RERE: variants seen among roughly 807,000 people sequenced by gnomAD.
RERE encodes arginine-glutamic acid dipeptide repeats protein.
RERE carries 40 observed loss-of-function variants against 146.1 expected under a neutral mutation model. That is an observed-to-expected ratio of 0.27 (90% CI 0.21 to 0.36). RERE has a LOEUF of 0.36. Among genes scored for constraint, RERE ranks in the 10% least tolerant of loss-of-function variants. The probability of loss-of-function intolerance (pLI) is 1.00; values close to 1 mark genes in which losing one functional copy is unlikely to be tolerated. For missense variants in RERE, 1,933 were observed against 2,138.7 expected, an observed-to-expected ratio of 0.90 and a Z score of 1.90; for synonymous variants, 1,003 against 866.0, an observed-to-expected ratio of 1.16 and a Z score of -2.78.
chr1:8,508,372 A>G (rs1046842514), intron 8 of RERE, among the ~76,000 whole-genome samples: 3 of 152,180 alleles, frequency 2.0e-5, no homozygotes, highest in Non-Finnish European at 4.4e-5. Flanking sequence ...TGCAAGATAG[A>G]AAGAGTTCTG....
At chr1:8,376,893 C>A (rs1490967873) in intron 12 of RERE, among the ~76,000 whole-genome samples, 1 of 152,144 alleles carries the variant, frequency 6.6e-6, no homozygotes, top group Non-Finnish European at 1.5e-5. Flanking sequence ...GGTGGGTCTG[C>A]TGAACCTCTA....
In RERE at chr1:8,359,819, TTCTCCTTCTCCC is replaced by T. The variant is rs1457617670; in HGVS notation, c.3551_3562del (p.Arg1184_Lys1188delinsGln). 5.6e-6 allele frequency: 9 copies of T among 1,606,958 alleles called. No individual in the cohort carries two copies. The highest frequency in any genetic ancestry group is 7.6e-6 in the Non-Finnish European group (9 of 1,179,578). ...TCGCTCCCGCTCCCGCTCCTTCTCC[TTCTCCTTCTCCC>T]GCTCTCGCTCCTCTCGGGCTTTCTG... On this transcript the variant is annotated inframe_deletion, in exon 19 of 23. Coordinates refer to ENST00000400908, the MANE Select transcript of RERE (RefSeq NM_001042681.2).
chr1:8,582,104 A>C (rs1242842922), intron 4 of RERE, among the ~76,000 whole-genome samples: 3 of 152,308 alleles, frequency 2.0e-5, no homozygotes, highest in Middle Eastern at 3.4e-3. Context: ...TAATCATATA[A>C]AATAACACCG....
chr1:8,790,709 G>A (rs979219001), intron 1 of RERE, among the ~76,000 whole-genome samples: 4 of 152,150 alleles, frequency 2.6e-5, no homozygotes, highest in African/African-American at 4.8e-5. Context: ...TCGGCCTCCC[G>A]AGTAGCTGGG....
intron 1 of RERE, among the ~76,000 whole-genome samples, chr1:8,664,589 T>G (rs539470687): frequency 6.6e-6 from 1 of 152,208 alleles, no homozygotes; most frequent in East Asian, 1.9e-4. Context: ...CTGGCTAATT[T>G]TTAAAATTTT....
At chr1:8,800,018 T>A (rs1484374161) in intron 1 of RERE, among the ~76,000 whole-genome samples, 1 of 152,146 alleles carries the variant, frequency 6.6e-6, no homozygotes, top group African/African-American at 2.4e-5. Context: ...TTCACCATGT[T>A]GGCCAGACTG....
At chr1:8,740,716 A>G (rs1640290205) in intron 1 of RERE, among the ~76,000 whole-genome samples, 1 of 152,176 alleles carries the variant, frequency 6.6e-6, no homozygotes, top group African/African-American at 2.4e-5. Context: ...ACATTAGCCT[A>G]GGCATACACA....
intron 18 of RERE, 61 bp downstream of exon 18, chr1:8,360,051 C>CCA: frequency 6.3e-7 from 1 of 1,588,838 alleles, no homozygotes; most frequent in Non-Finnish European, 8.6e-7. Context: ...TCCCTCCCAC[C>CCA]AGAACTTGCC....
Position 8,556,466 on chromosome 1 carries a change from A to G in RERE, c.725+9T>C, listed in dbSNP as rs781054134. 2.0e-6 allele frequency: 3 copies of G among 1,529,222 alleles called. No homozygotes were observed. Among genetic ancestry groups the G allele is most frequent in the East Asian group, 2.2e-5 (1 of 44,490 alleles). 94.7% of individuals were successfully genotyped at this position (1,529,222 alleles called of 1,614,324 possible). On this transcript the variant is annotated intron_variant, in intron 6 of 22. Transcript: ENST00000400908. The stretch of plus-strand genomic sequence containing the variant: ...CCTTCACATGGAAGAGCACGTCTCC[A>G]GTACTTACCTAAGGGCAGCAGCATG...
At chr1:8,657,608 AG>A (rs1272003615) in intron 1 of RERE, among the ~76,000 whole-genome samples, 2 of 152,162 alleles carry the variant, frequency 1.3e-5, no homozygotes, top group African/African-American at 4.8e-5. Context: ...GCACTTTGGG[AG>A]GCCAAGGCAG....
At chr1:8,612,371 T>C (rs971254183) in intron 4 of RERE, among the ~76,000 whole-genome samples, 42 of 152,288 alleles carry the variant, frequency 2.8e-4, no homozygotes, top group African/African-American at 7.2e-4. Flanking sequence ...CAAATGACTT[T>C]GGCAGCACAA....
At chr1:8,546,407 TC>T (rs1367770640) in intron 6 of RERE, among the ~76,000 whole-genome samples, 1 of 152,160 alleles carries the variant, frequency 6.6e-6, no homozygotes, top group Non-Finnish European at 1.5e-5. Flanking sequence ...GGTCTTCTGT[TC>T]TTTGTTTTCC....
At chr1:8,367,573 C>T (rs1053010588) in intron 12 of RERE, among the ~76,000 whole-genome samples, 1 of 152,132 alleles carries the variant, frequency 6.6e-6, no homozygotes, top group Admixed American at 6.5e-5. Context: ...GAAGCATAAC[C>T]CCAGGCCAGC....
At chr1:8,603,248 T>C (rs530094178) in intron 4 of RERE, among the ~76,000 whole-genome samples, 1 of 152,376 alleles carries the variant, frequency 6.6e-6, no homozygotes, top group Non-Finnish European at 1.5e-5. Flanking sequence ...TATCACAAGC[T>C]GGTAAATAAA....
At position 8,501,030 on chromosome 1, in the gene RERE, G is replaced by C. The variant is rs1292100370; in HGVS notation, c.880-3501C>G. Among the ~76,000 whole-genome samples, 2 of 70,412 alleles carry C rather than the reference G, an allele frequency of 2.8e-5. 1 individual carries two copies. Among genetic ancestry groups the C allele is most frequent in the Non-Finnish European group, 5.5e-5 (2 of 36,660 alleles). 46.2% of individuals were successfully genotyped at this position (70,412 alleles called of 152,430 possible). A position where few individuals can be genotyped will look rare whatever the true frequency, so the allele number is the denominator to read the frequency against. The stretch of plus-strand genomic sequence containing the variant: ...TCCGCCCGGCAGCCACCCCGTCCGG[G>C]AGGGGGGGGGGGGGTCAGCCCCCCG... On this transcript the variant is annotated intron_variant, in intron 8 of 22. Transcript: ENST00000400908.
At chr1:8,720,123 T>C (rs1224694772) in intron 1 of RERE, among the ~76,000 whole-genome samples, 1 of 150,162 alleles carries the variant, frequency 6.7e-6, no homozygotes, top group Admixed American at 6.6e-5. Flanking sequence ...AAAAAAAAAA[T>C]TTAGCTGGGC....
intron 7 of RERE, 126 bp downstream of exon 7, chr1:8,541,088 A>T (rs1557679208): frequency 2.2e-6 from 1 of 449,340 alleles, no homozygotes; most frequent in East Asian, 3.3e-5. Flanking sequence ...CTCTGGAGTC[A>T]TTTTTTTTAA....
In RERE at chr1:8,582,435, T is replaced by C. The variant is rs372708128; in HGVS notation, c.523-24912A>G. Among the ~76,000 whole-genome samples, 29 of 140,176 alleles carry C rather than the reference T, an allele frequency of 2.1e-4. No homozygotes were observed. The East Asian group carries it at 6.0e-3, about 29-fold the overall frequency. 92.0% of individuals were successfully genotyped at this position (140,176 alleles called of 152,430 possible). ...TTTTTCTTTTTTTTTTTTTGGGGGG[T>C]AGAGACAGGGTCTCACTGTGTCACC... On this transcript the variant is annotated intron_variant, in intron 4 of 22. Coordinates refer to ENST00000400908, the MANE Select transcript of RERE (RefSeq NM_001042681.2).
At position 8,497,544 on chromosome 1, in the gene RERE, T is replaced by C; in HGVS notation, c.880-15A>G. The C allele has an allele frequency of 6.2e-7, 1 of 1,613,832 alleles. No homozygotes were observed. The highest frequency in any genetic ancestry group is 8.5e-7 in the Non-Finnish European group (1 of 1,179,760). On this transcript the variant is annotated splice_polypyrimidine_tract_variant and intron_variant, in intron 8 of 22. Coordinates refer to ENST00000400908, the MANE Select transcript of RERE (RefSeq NM_001042681.2). ...GGAAGTTTGGCCTGTAAGACAGGGATGAGTAAGTCACAATCAAGGCATGTA... is the reference window on the plus strand; with the variant it reads ...GGAAGTTTGGCCTGTAAGACAGGGACGAGTAAGTCACAATCAAGGCATGTA...
Sources: allele counts gnomAD v4.1 joint callset (sites outside exome capture counted in the v4.1 genomes callset), GRCh38; gene constraint gnomAD v4.1.1; transcripts MANE v1.5; gene names NCBI Gene and HGNC (gene_info 2026-07-23, HGNC 2026-07-21).